ACBD6: variants seen among roughly 807,000 people sequenced by gnomAD.
ACBD6 encodes the protein acyl-CoA-binding domain-containing protein 6.
A neutral mutation model predicts 37.2 loss-of-function variants in ACBD6; 28 were observed. The observed-to-expected ratio is 0.75, with a 90% CI of 0.56 to 1.03. The LOEUF (loss-of-function observed/expected upper bound fraction) is 1.03. ACBD6 is among the 50% of genes least tolerant of loss of function. The pLI is 0.00. For missense variants in ACBD6, 340 were observed against 337.4 expected, an observed-to-expected ratio of 1.01 and a Z score of -0.06; for synonymous variants, 113 against 126.8, an observed-to-expected ratio of 0.89 and a Z score of 0.73.
At chr1:180,274,409 GA>G in intron 10 of ACBD6, 1 of 1,614,196 alleles carries the variant, frequency 6.2e-7, no homozygotes, top group Non-Finnish European at 8.5e-7. Context: ...TTACACGGTG[GA>G]CAGTAATTTG....
chr1:180,313,687 T>C (rs765203368), intron 7 of ACBD6, among the ~76,000 whole-genome samples: 1 of 152,162 alleles, frequency 6.6e-6, no homozygotes, highest in Non-Finnish European at 1.5e-5. Flanking sequence ...CATTCAGCCA[T>C]ATTCACACCC....
At chr1:180,422,842 A>G (rs1295588070) in intron 4 of ACBD6, among the ~76,000 whole-genome samples, 2 of 152,240 alleles carry the variant, frequency 1.3e-5, no homozygotes, top group Admixed American at 6.5e-5. Context: ...TGGCATTTTA[A>G]GTGGATACTA....
intron 3 of ACBD6, among the ~76,000 whole-genome samples, chr1:180,461,089 G>T (rs916560807): frequency 3.9e-5 from 6 of 152,008 alleles, no homozygotes; most frequent in African/African-American, 9.7e-5. Context: ...CACAATACAA[G>T]AATTTAATAA....
At chr1:180,301,657 TA>T (rs1291742848) in intron 7 of ACBD6, among the ~76,000 whole-genome samples, 3 of 152,176 alleles carry the variant, frequency 2.0e-5, no homozygotes, top group Non-Finnish European at 2.9e-5. Flanking sequence ...CCAGCATCAC[TA>T]GTGGCATTTT....
chr1:180,305,994 A>C (rs913267087), intron 7 of ACBD6, among the ~76,000 whole-genome samples: 14 of 151,636 alleles, frequency 9.2e-5, no homozygotes, highest in Non-Finnish European at 1.9e-4. Context: ...AAACTATCGC[A>C]AGGACAAAAA....
chr1:180,383,589 C>T (rs989000894), intron 6 of ACBD6, among the ~76,000 whole-genome samples: 2 of 152,108 alleles, frequency 1.3e-5, no homozygotes, highest in Non-Finnish European at 2.9e-5. Flanking sequence ...TAAATGACCA[C>T]ACTGCCCAAA....
chr1:180,347,699 C>T (rs942668277), intron 6 of ACBD6, among the ~76,000 whole-genome samples: 2 of 152,096 alleles, frequency 1.3e-5, no homozygotes, highest in Admixed American at 6.5e-5. Context: ...AGGCCGGGTG[C>T]GGTGGCTCAC....
chr1:180,385,248 A>C (rs1265968719), intron 6 of ACBD6, among the ~76,000 whole-genome samples: 1 of 151,828 alleles, frequency 6.6e-6, no homozygotes, highest in African/African-American at 2.4e-5. Context: ...ACACAAAAGA[A>C]GTCAGGAAAG....
At chr1:180,301,438 T>C (rs12749611) in intron 7 of ACBD6, among the ~76,000 whole-genome samples, 74,570 of 151,998 alleles carry the variant, frequency 0.49, 20,945 homozygotes, top group South Asian at 0.66. Flanking sequence ...CAATAAGCCA[T>C]AGAAAATGCT....
At chr1:180,277,350 T>C (rs1649096817) in intron 9 of ACBD6, 1 of 152,194 alleles carries the variant, frequency 6.6e-6, no homozygotes, top group African/African-American at 2.4e-5. Flanking sequence ...TATAAGGTGC[T>C]ACATGGTAGC....
At chr1:180,411,163 G>T (rs1021391965) in intron 5 of ACBD6, among the ~76,000 whole-genome samples, 6 of 152,230 alleles carry the variant, frequency 3.9e-5, no homozygotes, top group African/African-American at 9.6e-5. Flanking sequence ...CAGATGAGGA[G>T]TAGCTTCTTA....
chr1:180,270,743 A>G (rs1648595932), exon 14 of ACBD6: 1 of 157,340 alleles, frequency 6.4e-6, no homozygotes, highest in Non-Finnish European at 1.4e-5. Flanking sequence ...TAATGAAATG[A>G]TCTTGCCATT....
At chr1:180,482,033 G>C (rs948808144) in intron 3 of ACBD6, among the ~76,000 whole-genome samples, 2 of 152,118 alleles carry the variant, frequency 1.3e-5, no homozygotes, top group African/African-American at 4.8e-5. Flanking sequence ...AAGGCACCTA[G>C]AGAACCTCAA....
chr1:180,470,181 A>C (rs1324323226), intron 3 of ACBD6, among the ~76,000 whole-genome samples: 3 of 152,178 alleles, frequency 2.0e-5, no homozygotes, highest in African/African-American at 7.2e-5. Flanking sequence ...GCCTAAGCTG[A>C]GACTAGTGTC....
chr1:180,399,318 G>T (rs1442591457), intron 5 of ACBD6, among the ~76,000 whole-genome samples: 1 of 152,058 alleles, frequency 6.6e-6, no homozygotes, highest in Non-Finnish European at 1.5e-5. Context: ...GCTGAGGCTG[G>T]AGTGCAGTGG....
intron 7 of ACBD6, among the ~76,000 whole-genome samples, chr1:180,301,074 T>C (rs1182084011): frequency 2.6e-5 from 4 of 152,152 alleles, no homozygotes; most frequent in African/African-American, 9.7e-5. Context: ...AGTTTTTCAA[T>C]TAAAAATGGG....
chr1:180,305,949 T>G (rs1368044825), intron 7 of ACBD6, among the ~76,000 whole-genome samples: 2 of 151,822 alleles, frequency 1.3e-5, no homozygotes, highest in Non-Finnish European at 2.9e-5. Flanking sequence ...TCCTTTGTAG[T>G]GACATGGATG....
At chr1:180,335,111 C>G (rs1483582095) in intron 6 of ACBD6, among the ~76,000 whole-genome samples, 1 of 152,162 alleles carries the variant, frequency 6.6e-6, no homozygotes, top group Non-Finnish European at 1.5e-5. Flanking sequence ...AGGAGAACTT[C>G]CCCAAACTAG....
Position 180,495,517 on chromosome 1 carries a change from A to G in ACBD6, c.231T>C (p.Val77=). The stretch of plus-strand genomic sequence containing the variant: ...TTGGTTTAGGAGTATTACAATTTCC[A>G]ACTTTGACCTAAATGAGGGAAGGAA... The part of the protein sequence containing the change: ...YLYARYKQVK[V]GNCNTPKPSF... The change falls in exon 2 of 8, where the codon GTT becomes GTC. Residue 77 remains valine (V), a synonymous_variant. Coordinates refer to ENST00000367595, the MANE Select transcript of ACBD6 (RefSeq NM_032360.4). 1 of 1,610,020 alleles carries G rather than the reference A, an allele frequency of 6.2e-7. No individual in the cohort carries two copies. Among genetic ancestry groups the G allele is most frequent in the Non-Finnish European group, 8.5e-7 (1 of 1,177,352 alleles).
Sources: gnomAD v4.1 joint callset for allele counts (sites outside exome capture counted in the v4.1 genomes callset) on GRCh38, gnomAD v4.1.1 for gene constraint, MANE v1.5 for transcripts, NCBI Gene and HGNC (gene_info 2026-07-23, HGNC 2026-07-21) for gene names.